The following PPP5C variants were observed in gnomAD, a reference collection of about 807,000 sequenced individuals.
The protein encoded by PPP5C is protein phosphatase 5 catalytic subunit, also known as serine/threonine-protein phosphatase 5.
In PPP5C, 21 loss-of-function variants were observed where a neutral mutation model predicts 66.7. That is an observed-to-expected ratio of 0.31 (90% CI 0.22 to 0.45). The LOEUF (loss-of-function observed/expected upper bound fraction) is 0.45. PPP5C is among the 20% of genes least tolerant of loss of function. The pLI, the probability that PPP5C is intolerant of heterozygous loss-of-function variation, is 1.00. For missense variants in PPP5C, 464 were observed against 675.9 expected (o/e 0.69, Z 3.48); for synonymous variants, 246 against 257.4 (o/e 0.96, Z 0.43).
At position 46,379,439 on chromosome 19, in the gene PPP5C, C is replaced by A. The variant is rs537117590; in HGVS notation, c.633+2865C>A. 3.9e-5 allele frequency among the ~76,000 whole-genome samples: 6 copies of A among 152,330 alleles called. No individual in the cohort carries two copies. The East Asian group carries it at 1.2e-3, about 29-fold the overall frequency. On this transcript the variant is annotated intron_variant, in intron 4 of 12. Transcript: ENST00000012443. ...CTGACCTCAGATAATCCACCCACCT[C>A]GGCCTCCTAAAGTGCTGGAATTACA... is the stretch of plus-strand genomic sequence containing the variant.
chr19:46,383,744 C>T lies in PPP5C; in HGVS notation c.700-36C>T, dbSNP rs369165093. On this transcript the variant is annotated intron_variant, in intron 5 of 12. Coordinates refer to ENST00000012443, the MANE Select transcript of PPP5C (RefSeq NM_006247.4). The surrounding 1 kb of genome is among the most constrained non-coding windows in gnomAD (Gnocchi z 5.0). Reference sequence around the variant, plus strand: ...CTGCCCCCTCCCCACGTCTCTCTCTCGGCCCGTCCCTCTCCGGTGGCCTCT... The same window carrying T: ...CTGCCCCCTCCCCACGTCTCTCTCTTGGCCCGTCCCTCTCCGGTGGCCTCT... 229 of 1,539,816 alleles carry T rather than the reference C, an allele frequency of 1.5e-4. No individual in the cohort carries two copies. The highest frequency in any genetic ancestry group is 7.9e-4 in the Admixed American group (47 of 59,804).
At chr19:46,386,951 G>T (rs965884604) in intron 7 of PPP5C, 142 bp from the exon 8 acceptor site, 2 of 1,178,296 alleles carry the variant, frequency 1.7e-6, no homozygotes, top group Admixed American at 4.3e-5. Flanking sequence ...GGTACCTCCA[G>T]TCTGGAAGGC....
chr19:46,354,112 C>A, intron 2 of PPP5C, 123 bp downstream of exon 2: 1 of 1,389,268 alleles, frequency 7.2e-7, no homozygotes, highest in Non-Finnish European at 9.7e-7. Flanking sequence ...CCAGCAAGTG[C>A]CTGTGGGGCC....
chr19:46,386,923 T>C (rs1237175337), intron 7 of PPP5C, 170 bp from the exon 8 acceptor site: 5 of 901,512 alleles, frequency 5.5e-6, no homozygotes, highest in Non-Finnish European at 6.7e-6. Context: ...ACCTACTTTT[T>C]GTCAAGATTC....
chr19:46,387,853 G>T, intron 9 of PPP5C: 1 of 751,662 alleles, frequency 1.3e-6, no homozygotes, highest in African/African-American at 1.8e-5. Flanking sequence ...GTGGGCTGGT[G>T]CTGGGTGCTC....
Position 46,383,751 on chromosome 19 carries a change from T to C in PPP5C, c.700-29T>C. On this transcript the variant is annotated intron_variant, in intron 5 of 12. Transcript: ENST00000012443. This position sits in a 1 kb window ranked among gnomAD's most constrained non-coding sequence, Gnocchi z 5.0. ...CTCCCCACGTCTCTCTCTCGGCCCG[T>C]CCCTCTCCGGTGGCCTCTTTTCTTT... is the stretch of plus-strand genomic sequence containing the variant. The C allele has an allele frequency of 6.4e-7, 1 of 1,571,668 alleles. No homozygotes were observed. Among genetic ancestry groups the C allele is most frequent in the Non-Finnish European group, 8.8e-7 (1 of 1,141,718 alleles).
At chr19:46,368,536 T>G (rs1972529654) in intron 2 of PPP5C, among the ~76,000 whole-genome samples, 1 of 152,238 alleles carries the variant, frequency 6.6e-6, no homozygotes, top group African/African-American at 2.4e-5. Context: ...TAATGAAATT[T>G]TTATTAATTT....
intron 4 of PPP5C, among the ~76,000 whole-genome samples, chr19:46,379,172 G>C (rs1053420840): frequency 1.3e-5 from 2 of 152,224 alleles, no homozygotes; most frequent in Non-Finnish European, 2.9e-5. Flanking sequence ...TCCTGCCTCA[G>C]CCTCCCGAGT....
chr19:46,364,438 C>T (rs1201026994), intron 2 of PPP5C, among the ~76,000 whole-genome samples: 1 of 152,070 alleles, frequency 6.6e-6, no homozygotes, highest in Non-Finnish European at 1.5e-5. Flanking sequence ...GACCTCTTCT[C>T]TAGTCTCAAA....
chr19:46,387,464 C>T lies in PPP5C; in HGVS notation c.1135+11C>T, dbSNP rs776010059. On this transcript the variant is annotated intron_variant, in intron 9 of 12. Transcript: ENST00000012443. ...AACCCCCAGATTCAGGTGAGCAGCG[C>T]GGGGCCAGGTGTCTCCAGCAGAAAG... 82 of 1,613,854 alleles carry T rather than the reference C, an allele frequency of 5.1e-5. No homozygotes were observed. Among genetic ancestry groups the T allele is most frequent in the Admixed American group, 4.7e-4 (28 of 60,002 alleles).
chr19:46,347,417 G>T (rs921706345), intron 1 of PPP5C, among the ~76,000 whole-genome samples, 200 bp downstream of exon 1: 1 of 152,168 alleles, frequency 6.6e-6, no homozygotes, highest in African/African-American at 2.4e-5. Context: ...GTGGCGTGCG[G>T]AGCGGGTGCT....
intron 2 of PPP5C, among the ~76,000 whole-genome samples, chr19:46,374,805 G>A (rs1056445987): frequency 6.6e-6 from 1 of 152,162 alleles, no homozygotes; most frequent in Non-Finnish European, 1.5e-5. Context: ...GCCCTCTTGA[G>A]GGAGATATAT....
chr19:46,387,897 T>G, intron 9 of PPP5C: 1 of 379,818 alleles, frequency 2.6e-6, no homozygotes, highest in Middle Eastern at 9.6e-4. Flanking sequence ...AGGTTTGAGC[T>G]GACACTGCGG....
intron 2 of PPP5C, among the ~76,000 whole-genome samples, chr19:46,374,721 C>T (rs1972661550): frequency 6.6e-6 from 1 of 152,168 alleles, no homozygotes; most frequent in South Asian, 2.1e-4. Flanking sequence ...CAGTGGGCGC[C>T]CACGTGGAGT....
intron 2 of PPP5C, among the ~76,000 whole-genome samples, chr19:46,370,725 T>G (rs1972574687): frequency 6.6e-6 from 1 of 150,736 alleles, no homozygotes; most frequent in African/African-American, 2.4e-5. Flanking sequence ...ATTATACAGC[T>G]CATGACTGTG....
chr19:46,390,184 G>A (rs1972990296), intron 12 of PPP5C, 52 bp downstream of exon 12: 2 of 1,609,972 alleles, frequency 1.2e-6, no homozygotes, highest in South Asian at 1.1e-5. Flanking sequence ...TGGGGACAAG[G>A]AGGCTGAGAC....
intron 12 of PPP5C, 65 bp downstream of exon 12, chr19:46,390,197 TG>T: frequency 6.2e-7 from 1 of 1,609,070 alleles, no homozygotes; most frequent in East Asian, 2.2e-5. Context: ...GCTGAGACCC[TG>T]GTAAGGGGCA....
chr19:46,367,718 C>G (rs1972514414), intron 2 of PPP5C, among the ~76,000 whole-genome samples: 2 of 152,176 alleles, frequency 1.3e-5, no homozygotes, highest in African/African-American at 4.8e-5. Context: ...AACTTACATG[C>G]AGTGGGAACA....
In PPP5C at chr19:46,390,882, G is replaced by T; in HGVS notation, c.*536G>T. The stretch of plus-strand genomic sequence containing the variant: ...GTCTCTGGATGGTGGAGCCGAAGGA[G>T]CTGCCCGGGTTGGGTTACGCCTGCT... On this transcript the variant is annotated 3_prime_UTR_variant, in exon 13 of 13. Coordinates refer to ENST00000012443, the MANE Select transcript of PPP5C (RefSeq NM_006247.4). 8.7e-7 allele frequency: 1 copy of T among 1,147,118 alleles called. No homozygotes were observed. Among genetic ancestry groups the T allele is most frequent in the East Asian group, 6.3e-5 (1 of 15,990 alleles). 71.1% of individuals were successfully genotyped at this position (1,147,118 alleles called of 1,614,324 possible). A position where few individuals can be genotyped will look rare whatever the true frequency, so the allele number is the denominator to read the frequency against.
Sources: gnomAD v4.1 joint callset for allele counts (sites outside exome capture counted in the v4.1 genomes callset) on GRCh38, gnomAD v4.1.1 for gene constraint, Gnocchi (gnomAD v3.1) non-coding constraint, MANE v1.5 for transcripts, NCBI Gene and HGNC (gene_info 2026-07-23, HGNC 2026-07-21) for gene names.